Variants in PDZD2 observed in about 807,000 individuals in gnomAD.
PDZD2 encodes the protein PDZ domain-containing protein 2.
A neutral mutation model predicts 220.7 loss-of-function variants in PDZD2; 90 were observed. The ratio of observed to expected loss-of-function variants is 0.41; its 90% CI spans 0.34 to 0.49. The LOEUF is 0.49. PDZD2 is among the 20% of genes least tolerant of loss of function. The pLI is 0.28. For missense variants in PDZD2, 3,174 were observed against 3,608.5 expected (o/e 0.88, Z 3.08); for synonymous variants, 1,375 against 1,450.5 (o/e 0.95, Z 1.18).
chr5:31,996,662 C>T (rs1305125085), intron 4 of PDZD2, among the ~76,000 whole-genome samples: 5 of 152,140 alleles, frequency 3.3e-5, no homozygotes, highest in South Asian at 2.1e-4. Context: ...GAGCCAAGAT[C>T]GCATCACTGC....
intron 1 of PDZD2, among the ~76,000 whole-genome samples, chr5:31,666,023 G>A (rs941604125): frequency 3.9e-5 from 6 of 152,230 alleles, no homozygotes; most frequent in Admixed American, 6.5e-5. Context: ...GAGAGGCAGC[G>A]TGGGCTCCCA....
intron 2 of PDZD2, among the ~76,000 whole-genome samples, chr5:31,805,725 C>T (rs539267317): frequency 1.2e-4 from 18 of 152,214 alleles, no homozygotes; most frequent in Non-Finnish European, 2.1e-4. Context: ...AAGTCCTAGC[C>T]CCCAGAATAT....
intron 1 of PDZD2, among the ~76,000 whole-genome samples, chr5:31,749,227 C>T (rs1750784893): frequency 6.6e-6 from 1 of 152,182 alleles, no homozygotes; most frequent in East Asian, 1.9e-4. Context: ...GATATTTCAC[C>T]TGTGCATCTT....
intron 2 of PDZD2, among the ~76,000 whole-genome samples, chr5:31,970,041 G>GGC (rs1040712884): frequency 6.6e-6 from 1 of 151,964 alleles, no homozygotes; most frequent in African/African-American, 2.4e-5. Flanking sequence ...TGGGATTATA[G>GGC]GCATGCACCA....
intron 2 of PDZD2, among the ~76,000 whole-genome samples, chr5:31,865,776 C>A (rs1045485127): frequency 6.6e-6 from 1 of 150,670 alleles, no homozygotes; most frequent in Non-Finnish European, 1.5e-5. Context: ...AGATTACAGG[C>A]GCCCACCACC....
At chr5:31,783,226 T>C (rs1753157124) in intron 1 of PDZD2, among the ~76,000 whole-genome samples, 1 of 152,128 alleles carries the variant, frequency 6.6e-6, no homozygotes, top group African/African-American at 2.4e-5. Flanking sequence ...TTGTGGAACT[T>C]GGGAACACCA....
chr5:31,913,925 C>G (rs1233242266), intron 2 of PDZD2, among the ~76,000 whole-genome samples: 1 of 126,662 alleles, frequency 7.9e-6, no homozygotes, highest in Non-Finnish European at 1.8e-5. Context: ...TTAACTGTGT[C>G]ATTCTCCAAC....
chr5:32,012,721 A>G (rs139826943), intron 6 of PDZD2, among the ~76,000 whole-genome samples: 1,669 of 152,200 alleles, frequency 0.011, 35 homozygotes, highest in African/African-American at 0.037. Context: ...TCTCCTGCAA[A>G]AAAACTGCAA....
chr5:31,981,970 T>G (rs946676721), intron 2 of PDZD2, among the ~76,000 whole-genome samples: 6 of 152,338 alleles, frequency 3.9e-5, no homozygotes, highest in Non-Finnish European at 8.8e-5. Flanking sequence ...TTCACATACC[T>G]TATCTCCTTT....
At chr5:32,081,050 G>A (rs547630895) in intron 19 of PDZD2, among the ~76,000 whole-genome samples, 10 of 151,080 alleles carry the variant, frequency 6.6e-5, no homozygotes, top group Non-Finnish European at 1.2e-4. Context: ...ACAAACCTGC[G>A]CATCCTGCAC....
intron 1 of PDZD2, among the ~76,000 whole-genome samples, chr5:31,654,791 C>T (rs1745484070): frequency 6.6e-6 from 1 of 152,166 alleles, no homozygotes; most frequent in African/African-American, 2.4e-5. Context: ...CTATTCTCAA[C>T]AGAGCAGGCA....
At chr5:31,790,565 G>T (rs980622365) in intron 1 of PDZD2, among the ~76,000 whole-genome samples, 1 of 152,050 alleles carries the variant, frequency 6.6e-6, no homozygotes, top group African/African-American at 2.4e-5. Context: ...AGAGATTTAA[G>T]CATCCCAGGC....
At chr5:31,770,153 G>A (rs1308286367) in intron 1 of PDZD2, among the ~76,000 whole-genome samples, 2 of 152,136 alleles carry the variant, frequency 1.3e-5, no homozygotes, top group Admixed American at 6.5e-5. Context: ...TTCTGTTTGT[G>A]GAGGAAAAAT....
intron 24 of PDZD2, among the ~76,000 whole-genome samples, chr5:32,104,955 C>T (rs112417222): frequency 0.03 from 4,573 of 151,670 alleles, 148 homozygotes; most frequent in African/African-American, 0.083. Context: ...GGCCACATGA[C>T]GAGACTCCAC....
intron 1 of PDZD2, among the ~76,000 whole-genome samples, chr5:31,703,957 TTCTC>T (rs10652328): frequency 0.014 from 2,028 of 149,474 alleles, 47 homozygotes; most frequent in East Asian, 0.05. Flanking sequence ...TTCTCTCTCT[TTCTC>T]TCTCTCTCTC....
At chr5:31,992,599 A>G (rs1029065750) in intron 3 of PDZD2, among the ~76,000 whole-genome samples, 2 of 152,216 alleles carry the variant, frequency 1.3e-5, no homozygotes, top group African/African-American at 2.4e-5. Flanking sequence ...TTTGTTTAAC[A>G]AAGAGGAGGG....
chr5:32,029,329 TAAAAAA>T (rs34025632), intron 6 of PDZD2, among the ~76,000 whole-genome samples: 5 of 65,834 alleles, frequency 7.6e-5, no homozygotes, highest in East Asian at 1.2e-3. Context: ...TCAAGAACTG[TAAAAAA>T]AAAAAAAAAA....
At chr5:31,776,657 T>A (rs2150203873) in intron 1 of PDZD2, among the ~76,000 whole-genome samples, 1 of 112,318 alleles carries the variant, frequency 8.9e-6, no homozygotes, top group Admixed American at 9.0e-5. Context: ...TTTATTTATT[T>A]ATTTATTTTG....
intron 1 of PDZD2, among the ~76,000 whole-genome samples, chr5:31,761,345 C>T (rs767057461): frequency 5.3e-5 from 8 of 151,646 alleles, no homozygotes; most frequent in Admixed American, 2.0e-4. Context: ...ATGGTAGCAG[C>T]GGGAGTAGAG....
Sources: allele counts gnomAD v4.1 joint callset (sites outside exome capture counted in the v4.1 genomes callset), GRCh38; gene constraint gnomAD v4.1.1; transcripts MANE v1.5; gene names NCBI Gene and HGNC (gene_info 2026-07-23, HGNC 2026-07-21).